Variants in TMEM74 observed in about 807,000 individuals in gnomAD.
TMEM74 encodes transmembrane protein 74.
In TMEM74, 13 loss-of-function variants were observed where a neutral mutation model predicts 18.1. That is an observed-to-expected ratio of 0.72 (90% confidence interval 0.47 to 1.14). The LOEUF is 1.14. TMEM74 is among the 50% of genes most tolerant of loss of function. TMEM74 has a pLI of 0.00. For synonymous variants in TMEM74, 159 were observed against 146.6 expected (o/e 1.08, Z -0.61); for missense variants, 372 against 375.9 (o/e 0.99, Z 0.09).
intron 1 of TMEM74, among the ~76,000 whole-genome samples, chr8:108,734,302 G>A (rs1372103435): frequency 6.6e-6 from 1 of 152,098 alleles, no homozygotes; most frequent in African/African-American, 2.4e-5. Context: ...TCCTTGGAGT[G>A]AGAGTCCCTC....
At chr8:108,699,238 T>A (rs1189731299) in intron 1 of TMEM74, among the ~76,000 whole-genome samples, 2 of 140,406 alleles carry the variant, frequency 1.4e-5, no homozygotes, top group Non-Finnish European at 3.1e-5. Flanking sequence ...TCTCCCTCCC[T>A]TCCTACTAAG....
chr8:108,620,088 T>A (rs1406608306), intron 2 of TMEM74, among the ~76,000 whole-genome samples: 1 of 152,218 alleles, frequency 6.6e-6, no homozygotes, highest in Non-Finnish European at 1.5e-5. Context: ...CTATTATCAT[T>A]GGTACAGCTA....
At position 108,753,182 on chromosome 8, in the gene TMEM74, C is replaced by T. The variant is rs566190287; in HGVS notation, n.119+34294G>A. The stretch of plus-strand genomic sequence containing the variant: ...TAACAGGCATTTTATTTCTTTAATC[C>T]TTTCATGTTTAAGAATGCCATGGGA... On this transcript the variant is annotated intron_variant and non_coding_transcript_variant, in intron 1 of 3. Coordinates refer to the TMEM74 transcript ENST00000518838. 2.0e-3 allele frequency among the ~76,000 whole-genome samples: 311 copies of T among 152,070 alleles called. 2 individuals are homozygous for T. Among genetic ancestry groups the T allele is most frequent in the Middle Eastern group, 3.4e-3 (1 of 292 alleles).
At chr8:108,710,571 G>A (rs1355127224) in intron 1 of TMEM74, among the ~76,000 whole-genome samples, 1 of 152,212 alleles carries the variant, frequency 6.6e-6, no homozygotes, top group African/African-American at 2.4e-5. Flanking sequence ...CCGTAGGCAG[G>A]TGAAATGCAG....
downstream of TMEM74, among the ~76,000 whole-genome samples, chr8:108,774,705 T>C (rs114788491): frequency 1.2e-3 from 181 of 152,084 alleles, no homozygotes; most frequent in African/African-American, 4.0e-3. Flanking sequence ...CTACACAAAG[T>C]AAATGGGCAT....
chr8:108,663,946 CTG>C (rs1166936432), intron 1 of TMEM74, among the ~76,000 whole-genome samples: 1 of 152,138 alleles, frequency 6.6e-6, no homozygotes, highest in Non-Finnish European at 1.5e-5. Context: ...ACAACACACA[CTG>C]GGGCCTCTCA....
chr8:108,643,705 A>G (rs1433915688), intron 2 of TMEM74, among the ~76,000 whole-genome samples: 1 of 152,056 alleles, frequency 6.6e-6, no homozygotes, highest in African/African-American at 2.4e-5. Context: ...ACGCATCTCT[A>G]AAAGAAAAAG....
At chr8:108,704,023 T>G (rs1439441316) in intron 1 of TMEM74, among the ~76,000 whole-genome samples, 1 of 152,228 alleles carries the variant, frequency 6.6e-6, no homozygotes, top group Non-Finnish European at 1.5e-5. Context: ...TATAAGGAAC[T>G]GACAGCAGTG....
At chr8:108,756,603 G>GGAGA (rs1813967184) in intron 1 of TMEM74, among the ~76,000 whole-genome samples, 1 of 44,286 alleles carries the variant, frequency 2.3e-5, no homozygotes, top group Non-Finnish European at 4.1e-5. Context: ...AAAGAGAAAG[G>GGAGA]AAGGAAGGAA....
intron 1 of TMEM74, among the ~76,000 whole-genome samples, chr8:108,720,645 G>C (rs940606393): frequency 1.3e-5 from 2 of 151,920 alleles, no homozygotes. Context: ...TGCTCAGCTC[G>C]GTATTCTACC....
At chr8:108,626,962 G>T (rs1812500175) in intron 2 of TMEM74, among the ~76,000 whole-genome samples, 1 of 151,906 alleles carries the variant, frequency 6.6e-6, no homozygotes, top group African/African-American at 2.4e-5. Context: ...GGTAATTTTG[G>T]ATTGGCTAGA....
At chr8:108,690,833 AAAT>A (rs754928606) in intron 1 of TMEM74, among the ~76,000 whole-genome samples, 1 of 151,988 alleles carries the variant, frequency 6.6e-6, no homozygotes, top group East Asian at 1.9e-4. Context: ...AAAAAATAAA[AAAT>A]AATAATAATA....
At chr8:108,715,790 G>T (rs1367921046) in intron 1 of TMEM74, among the ~76,000 whole-genome samples, 1 of 151,944 alleles carries the variant, frequency 6.6e-6, no homozygotes, top group Admixed American at 6.6e-5. Context: ...ACCAAATGCT[G>T]CTAAGAAGAC....
At chr8:108,637,572 A>C (rs1812619811) in intron 2 of TMEM74, among the ~76,000 whole-genome samples, 1 of 152,096 alleles carries the variant, frequency 6.6e-6, no homozygotes, top group South Asian at 2.1e-4. Context: ...GAGACAATTA[A>C]AGAGATTTGA....
At chr8:108,713,326 G>A (rs1053094871) in intron 1 of TMEM74, among the ~76,000 whole-genome samples, 57 of 151,966 alleles carry the variant, frequency 3.8e-4, no homozygotes, top group Non-Finnish European at 1.5e-4. Context: ...GATAGAAAAG[G>A]AGACTGGTTA....
At chr8:108,745,869 A>G (rs897054861) in intron 1 of TMEM74, among the ~76,000 whole-genome samples, 13 of 152,280 alleles carry the variant, frequency 8.5e-5, no homozygotes, top group Middle Eastern at 3.4e-3. Context: ...TTGTATTAAA[A>G]TGCACTGTGA....
At chr8:108,616,736 C>T (rs1177275354) in intron 2 of TMEM74, among the ~76,000 whole-genome samples, 1 of 151,996 alleles carries the variant, frequency 6.6e-6, no homozygotes, top group East Asian at 1.9e-4. Context: ...ATGCTTGGAA[C>T]TTTGATTTGT....
intron 2 of TMEM74, among the ~76,000 whole-genome samples, chr8:108,650,309 C>G (rs1455314553): frequency 6.6e-6 from 1 of 152,076 alleles, no homozygotes; most frequent in Non-Finnish European, 1.5e-5. Flanking sequence ...CCTAATTTAT[C>G]CTCTTTCTCC....
At chr8:108,745,788 C>T (rs937707660) in intron 1 of TMEM74, among the ~76,000 whole-genome samples, 13 of 152,090 alleles carry the variant, frequency 8.5e-5, no homozygotes, top group African/African-American at 2.2e-4. Flanking sequence ...AGCCCAGCGC[C>T]GCACCCTGGG....
Sources: allele counts gnomAD v4.1 joint callset (sites outside exome capture counted in the v4.1 genomes callset), GRCh38; gene constraint gnomAD v4.1.1; transcripts MANE v1.5; gene names NCBI Gene and HGNC (gene_info 2026-07-23, HGNC 2026-07-21).